Variants in RPS6KC1 observed in about 807,000 individuals in gnomAD.
The protein encoded by RPS6KC1 is ribosomal protein S6 kinase C1.
RPS6KC1 carries 54 observed loss-of-function variants against 103.8 expected under a neutral mutation model. The observed-to-expected ratio is 0.52, with a 90% CI of 0.42 to 0.65. The LOEUF is 0.65. RPS6KC1 is among the 30% of genes least tolerant of loss of function. RPS6KC1 has a pLI of 0.00. For synonymous variants in RPS6KC1, 439 were observed against 438.7 expected (o/e 1.00, Z -0.01); for missense variants, 1,151 against 1,253.8 (o/e 0.92, Z 1.24).
At chr1:213,383,401 C>T in the RPS6KC1 span, among the ~76,000 whole-genome samples, 1 of 152,318 alleles carries the variant, frequency 6.6e-6, no homozygotes, top group Middle Eastern at 3.4e-3. Flanking sequence ...GAGTTCTGTG[C>T]CCAGGCAACA....
intron 14 of RPS6KC1, among the ~76,000 whole-genome samples, chr1:213,269,222 C>T (rs2094983636): frequency 6.6e-6 from 1 of 152,116 alleles, no homozygotes; most frequent in Non-Finnish European, 1.5e-5. Flanking sequence ...TAGGATCTGA[C>T]ACATGTTTCA....
chr1:213,280,862 C>T, the RPS6KC1 span, among the ~76,000 whole-genome samples: 1 of 152,116 alleles, frequency 6.6e-6, no homozygotes, highest in African/African-American at 2.4e-5. Flanking sequence ...GTCAGCAGTT[C>T]CTTCATCTGT....
At chr1:213,094,278 T>C (rs2081258269) in intron 3 of RPS6KC1, among the ~76,000 whole-genome samples, 2 of 152,204 alleles carry the variant, frequency 1.3e-5, no homozygotes, top group Admixed American at 1.3e-4. Context: ...ATGTTTCTGC[T>C]ATGATCATAA....
intron 6 of RPS6KC1, among the ~76,000 whole-genome samples, chr1:213,161,833 C>A (rs1253759607): frequency 6.6e-6 from 1 of 152,098 alleles, no homozygotes; most frequent in Non-Finnish European, 1.5e-5. Flanking sequence ...CACTTTAGAT[C>A]ATTTCAAAGG....
At chr1:213,400,471 A>G in the RPS6KC1 span, among the ~76,000 whole-genome samples, 6 of 152,116 alleles carry the variant, frequency 3.9e-5, no homozygotes, top group African/African-American at 1.4e-4. Context: ...GGTCTGGAAG[A>G]TCTGTGGATC....
the RPS6KC1 span, among the ~76,000 whole-genome samples, chr1:213,778,854 C>T: frequency 6.6e-6 from 1 of 152,056 alleles, no homozygotes; most frequent in Admixed American, 6.6e-5. Context: ...TCTGAGATGC[C>T]CACAGCCAAA....
the RPS6KC1 span, among the ~76,000 whole-genome samples, chr1:213,578,208 A>AG: frequency 6.6e-6 from 1 of 152,244 alleles, no homozygotes; most frequent in African/African-American, 2.4e-5. Flanking sequence ...GCTACACAGA[A>AG]GTCAAGAATT....
chr1:213,787,918 TGAG>T, the RPS6KC1 span, among the ~76,000 whole-genome samples: 8 of 151,922 alleles, frequency 5.3e-5, no homozygotes, highest in Admixed American at 6.6e-5. Context: ...TACACAATAA[TGAG>T]GGAGTGGAGG....
the RPS6KC1 span, among the ~76,000 whole-genome samples, chr1:213,628,509 G>T: frequency 6.6e-6 from 1 of 151,760 alleles, no homozygotes; most frequent in South Asian, 2.1e-4. Context: ...TAAGTTTTAG[G>T]GTACATATGC....
intron 6 of RPS6KC1, among the ~76,000 whole-genome samples, chr1:213,162,186 A>C (rs1021569706): frequency 6.6e-6 from 1 of 152,212 alleles, no homozygotes; most frequent in African/African-American, 2.4e-5. Context: ...ACTTTAGAAC[A>C]TAAGAGAAAC....
At chr1:213,553,800 AT>A in the RPS6KC1 span, among the ~76,000 whole-genome samples, 3 of 151,950 alleles carry the variant, frequency 2.0e-5, no homozygotes, top group African/African-American at 7.3e-5. Flanking sequence ...ATCATTTTCT[AT>A]ATGCTTGCTT....
chr1:213,092,868 T>C (rs12404388), intron 3 of RPS6KC1, among the ~76,000 whole-genome samples: 1 of 152,198 alleles, frequency 6.6e-6, no homozygotes. Context: ...TTTTTACTTG[T>C]TGCATTGCAC....
chr1:213,850,132 G>A, the RPS6KC1 span, among the ~76,000 whole-genome samples: 1 of 151,520 alleles, frequency 6.6e-6, no homozygotes, highest in African/African-American at 2.4e-5. Flanking sequence ...TTAGAATATT[G>A]TTAAACAAAT....
the RPS6KC1 span, among the ~76,000 whole-genome samples, chr1:213,505,734 C>A: frequency 6.6e-6 from 1 of 152,154 alleles, no homozygotes; most frequent in Non-Finnish European, 1.5e-5. Flanking sequence ...GGTTCAAGAG[C>A]CTGGGTTCAT....
intron 12 of RPS6KC1, among the ~76,000 whole-genome samples, chr1:213,253,926 G>T (rs930889222): frequency 1.3e-5 from 2 of 152,080 alleles, no homozygotes; most frequent in Non-Finnish European, 2.9e-5. Flanking sequence ...GCTGTAAGAG[G>T]GAGACTTGGA....
At chr1:213,399,343 G>A in the RPS6KC1 span, among the ~76,000 whole-genome samples, 1 of 152,158 alleles carries the variant, frequency 6.6e-6, no homozygotes, top group Admixed American at 6.5e-5. Flanking sequence ...GCAGCTTTCT[G>A]GAGGAGATGA....
the RPS6KC1 span, among the ~76,000 whole-genome samples, chr1:213,655,500 C>T: frequency 6.6e-6 from 1 of 152,200 alleles, no homozygotes; most frequent in Non-Finnish European, 1.5e-5. Context: ...CCATTATCCC[C>T]TCACTTGTGG....
At chr1:213,602,196 C>T in the RPS6KC1 span, among the ~76,000 whole-genome samples, 4 of 71,586 alleles carry the variant, frequency 5.6e-5, no homozygotes, top group Admixed American at 1.8e-4. Context: ...CTTTTTCCCT[C>T]CCTCCCTCCC....
the RPS6KC1 span, among the ~76,000 whole-genome samples, chr1:213,838,277 T>G: frequency 6.6e-6 from 1 of 152,206 alleles, no homozygotes; most frequent in Non-Finnish European, 1.5e-5. Context: ...AGCTAAATAT[T>G]TGTTTTCCCA....
Sources: allele counts gnomAD v4.1 joint callset (sites outside exome capture counted in the v4.1 genomes callset), GRCh38; gene constraint gnomAD v4.1.1; transcripts MANE v1.5; gene names NCBI Gene and HGNC (gene_info 2026-07-23, HGNC 2026-07-21).